Variants in TPD52L3 observed in about 807,000 individuals in gnomAD.
TPD52L3 encodes the protein tumor protein D55.
A neutral mutation model predicts 8.7 loss-of-function variants in TPD52L3; 12 were observed. The ratio of observed to expected loss-of-function variants is 1.38; its 90% confidence interval spans 0.89 to 2.24. The LOEUF (loss-of-function observed/expected upper bound fraction) is 2.24, where lower values mean the gene tolerates loss of function less well. Among genes scored for constraint, TPD52L3 ranks in the 30% most tolerant of loss-of-function variants. The pLI is 0.00. For synonymous variants in TPD52L3, 79 were observed against 66.8 expected, an observed-to-expected ratio of 1.18 and a Z score of -0.89; for missense variants, 207 against 158.7, an observed-to-expected ratio of 1.30 and a Z score of -1.64.
Position 6,331,190 on chromosome 9 carries a change from A to G in TPD52L3, c.*171A>G. On this transcript the variant is annotated 3_prime_UTR_variant, in exon 2 of 2. Coordinates refer to ENST00000314556, the MANE Select transcript of TPD52L3 (RefSeq NM_001001874.3). ...AGGTTCTGAAAGCATAGAATTAGAC[A>G]TCGTATGTGCCCTCTAGAAACACTT... The G allele has an allele frequency of 1.6e-6, 1 of 608,686 alleles. No homozygotes were observed. Among genetic ancestry groups the G allele is most frequent in the Non-Finnish European group, 2.8e-6 (1 of 351,848 alleles). 37.7% of individuals were successfully genotyped at this position (608,686 alleles called of 1,614,324 possible). A position where few individuals can be genotyped will look rare whatever the true frequency, so the allele number is the denominator to read the frequency against.
Position 6,328,441 on chromosome 9 carries a change from G to A in TPD52L3, c.-155G>A, listed in dbSNP as rs537397783. ...ACCAGCTGGGCCATGGATCCCTCCC[G>A]CCTGAAATCTGACTCCACCTGCCAA... On this transcript the variant is annotated 5_prime_UTR_variant, in exon 1 of 2. Transcript: ENST00000314556. The A allele has an allele frequency of 1.8e-4, 152 of 854,648 alleles. No homozygotes were observed. The African/African-American group carries it at 2.4e-3, about 13-fold the overall frequency. The allele number at this position is 854,648 out of a possible 1,614,324, so 52.9% of individuals were successfully genotyped here.
chr9:6,330,034 G>C, intron 1 of TPD52L3: 2 of 1,427,848 alleles, frequency 1.4e-6, no homozygotes, highest in Admixed American at 5.5e-5. Context: ...GAGGAAAACA[G>C]GTATAGCCAA....
intron 1 of TPD52L3, chr9:6,330,641 GA>G: frequency 8.5e-7 from 1 of 1,175,174 alleles, no homozygotes; most frequent in Non-Finnish European, 1.1e-6. Flanking sequence ...GTTTTGCTTG[GA>G]TTAAAACAAG....
intron 1 of TPD52L3, chr9:6,330,418 C>T: frequency 5.1e-6 from 7 of 1,371,182 alleles, no homozygotes; most frequent in East Asian, 2.7e-5. Flanking sequence ...GACTAGGACC[C>T]TTATGGGTAC....
At position 6,331,128 on chromosome 9, in the gene TPD52L3, C is replaced by G; in HGVS notation, c.*109C>G. 1 of 1,178,180 alleles carries G rather than the reference C, an allele frequency of 8.5e-7. No homozygotes were observed. Among genetic ancestry groups the G allele is most frequent in the Non-Finnish European group, 1.2e-6 (1 of 812,238 alleles). The allele number at this position is 1,178,180 out of a possible 1,614,324, so 73.0% of individuals were successfully genotyped here. On this transcript the variant is annotated 3_prime_UTR_variant, in exon 2 of 2. Coordinates refer to ENST00000314556, the MANE Select transcript of TPD52L3 (RefSeq NM_001001874.3). ...ACAAAAATATCGTGTTTATTCAAAG[C>G]CAATCTGAGACCCTACTCTGTATCA...
chr9:6,330,540 C>A (rs1818132736), intron 1 of TPD52L3: 2 of 1,202,420 alleles, frequency 1.7e-6, no homozygotes, highest in African/African-American at 1.6e-5. Flanking sequence ...TTCCTATAAG[C>A]AAAACCAAAT....
rs1818055693 is a variant in TPD52L3 at position 6,328,383 on chromosome 9, GGTC to G, written c.-209_-207del. 4.4e-6 allele frequency: 2 copies of G among 456,324 alleles called. No individual in the cohort carries two copies. The highest frequency in any genetic ancestry group is 3.4e-5 in the Admixed American group (1 of 29,034). 28.3% of individuals were successfully genotyped at this position (456,324 alleles called of 1,614,324 possible). On this transcript the variant is annotated 5_prime_UTR_variant, in exon 1 of 2. Transcript: ENST00000314556. ...GCTAGCGTGTCTACTTCACAGGCCA[GGTC>G]GTCAACTCAACTGTCAAGGTGTCCA...
intron 1 of TPD52L3, chr9:6,330,572 T>G: frequency 8.6e-7 from 1 of 1,167,026 alleles, no homozygotes; most frequent in East Asian, 4.6e-5. Context: ...TACAAAAGCA[T>G]CTGGTAAACT....
rs1818075332 is a variant in TPD52L3 at position 6,328,794 on chromosome 9, A to G, written c.199A>G (p.Thr67Ala). ...CGELKRKLGLTALVGLRQNLS... is the reference protein window; with the variant it reads ...CGELKRKLGLAALVGLRQNLS... Reference sequence around the variant, plus strand: ...GGAACTCAAGAGGAAGTTAGGCCTCACCGCCTTGGTAGGGCTGAGACAGAA... The same window carrying G: ...GGAACTCAAGAGGAAGTTAGGCCTCGCCGCCTTGGTAGGGCTGAGACAGAA... Residue 67 changes from threonine to alanine, a missense_variant, in exon 1 of 2, where the codon ACC (threonine) becomes GCC (alanine). By Grantham distance (58) the Thr-to-Ala change is moderately conservative. Coordinates refer to ENST00000314556, the MANE Select transcript of TPD52L3 (RefSeq NM_001001874.3). The G allele has an allele frequency of 6.2e-7, 1 of 1,614,182 alleles. No individual in the cohort carries two copies. Among genetic ancestry groups the G allele is most frequent in the Non-Finnish European group, 8.5e-7 (1 of 1,180,036 alleles).
At position 6,328,563 on chromosome 9, in the gene TPD52L3, G is replaced by A; in HGVS notation, c.-33G>A. On this transcript the variant is annotated 5_prime_UTR_variant, in exon 1 of 2. Transcript: ENST00000314556. ...CTCTTTCTACCAAGAATTGGACCTG[G>A]ACTCTCTTAACGAAGATCTTCTTTC... The A allele has an allele frequency of 6.2e-7, 1 of 1,600,726 alleles. No individual in the cohort carries two copies. The highest frequency in any genetic ancestry group is 1.1e-5 in the South Asian group (1 of 89,774).
intron 1 of TPD52L3, chr9:6,329,970 AT>A (rs1431767453): frequency 7.6e-7 from 1 of 1,322,406 alleles, no homozygotes; most frequent in Non-Finnish European, 9.7e-7. Flanking sequence ...AAAGGAAGAA[AT>A]TGCCTCTCTG....
Position 6,328,911 on chromosome 9 carries a change from T to C in TPD52L3, c.316T>C (p.Cys106Arg), listed in dbSNP as rs770213983. The C allele has an allele frequency of 1.2e-6, 2 of 1,614,248 alleles. No homozygotes were observed. The highest frequency in any genetic ancestry group is 3.3e-5 in the Admixed American group (2 of 60,028). Residue 106 changes from cysteine (C) to arginine (R), a missense_variant, in exon 1 of 2, where the codon TGC becomes CGC. Cys to Arg is a radical substitution (Grantham distance 180, BLOSUM62 -3). Coordinates refer to ENST00000314556, the MANE Select transcript of TPD52L3 (RefSeq NM_001001874.3). ...TCTGTCCACCATGGGCACTCTCATC[T>C]GCAGGAAGCTTGGAGGCGTGAAGAA... ...AALSTMGTLI[C>R]RKLGGVKKSA...
At position 6,328,398 on chromosome 9, in the gene TPD52L3, T is replaced by C; in HGVS notation, c.-198T>C. The C allele has an allele frequency of 6.9e-6, 3 of 433,412 alleles. No individual in the cohort carries two copies. The highest frequency in any genetic ancestry group is 1.2e-5 in the Non-Finnish European group (3 of 241,382). The allele number at this position is 433,412 out of a possible 1,614,324, so 26.8% of individuals were successfully genotyped here. ...TCACAGGCCAGGTCGTCAACTCAAC[T>C]GTCAAGGTGTCCATTGTACCAGCTG... On this transcript the variant is annotated 5_prime_UTR_variant, in exon 1 of 2. Transcript: ENST00000314556.
At chr9:6,329,544 G>A in intron 1 of TPD52L3, 3 of 1,006,502 alleles carry the variant, frequency 3.0e-6, no homozygotes, top group Non-Finnish European at 3.6e-6. Context: ...CTTGAAAGAG[G>A]TATGAAGTAA....
At chr9:6,330,526 G>T in intron 1 of TPD52L3, 1 of 1,218,380 alleles carries the variant, frequency 8.2e-7, no homozygotes, top group Non-Finnish European at 1.0e-6. Context: ...ACATTCCTTT[G>T]GTTTTCCTAT....
In TPD52L3 at chr9:6,328,750, C is replaced by A. The variant is rs1026406099; in HGVS notation, c.155C>A (p.Ala52Asp). The A allele has an allele frequency of 6.2e-7, 1 of 1,614,150 alleles. No homozygotes were observed. The highest frequency in any genetic ancestry group is 8.5e-7 in the Non-Finnish European group (1 of 1,180,034). Residue 52 changes from alanine (A) to aspartate (D), a missense_variant, in exon 1 of 2, where the codon GCC becomes GAC. By Grantham distance (126) the Ala-to-Asp change is moderately radical (BLOSUM62 -2). Transcript: ENST00000314556. ...EIVTLRHVLA[A>D]KERRCGELKR... ...GTAACCCTACGCCACGTACTAGCAGCCAAAGAGAGACGCTGTGGGGAACTC... is the reference window on the plus strand; with the variant it reads ...GTAACCCTACGCCACGTACTAGCAGACAAAGAGAGACGCTGTGGGGAACTC...
At position 6,328,940 on chromosome 9, in the gene TPD52L3, G is replaced by A. The variant is rs375169209; in HGVS notation, c.345G>A (p.Ser115=). The A allele has an allele frequency of 4.1e-5, 66 of 1,614,004 alleles. No individual in the cohort carries two copies. The highest frequency in any genetic ancestry group is 1.2e-4 in the Admixed American group (7 of 60,004). ...GGAAGCTTGGAGGCGTGAAGAAGTCGGCCACATTCAGATCTTTTGAAGGTC... is the reference window on the plus strand; with the variant it reads ...GGAAGCTTGGAGGCGTGAAGAAGTCAGCCACATTCAGATCTTTTGAAGGTC... The part of the protein sequence containing the change: ...ICRKLGGVKK[S]ATFRSFEGLI... The change falls in exon 1 of 2, where the codon TCG becomes TCA. Residue 115 remains serine, a synonymous_variant. Coordinates refer to ENST00000314556, the MANE Select transcript of TPD52L3 (RefSeq NM_001001874.3).
rs1300853930 is a variant in TPD52L3, at chr9:6,328,588, C to T, written c.-8C>T. Reference sequence around the variant, plus strand: ...GACTCTCTTAACGAAGATCTTCTTTCCCAGTCCATGCCACATGCCAGGACA... The same window carrying T: ...GACTCTCTTAACGAAGATCTTCTTTTCCAGTCCATGCCACATGCCAGGACA... On this transcript the variant is annotated 5_prime_UTR_variant, in exon 1 of 2. Transcript: ENST00000314556. The T allele has an allele frequency of 1.2e-6, 2 of 1,610,964 alleles. No homozygotes were observed. Among genetic ancestry groups the T allele is most frequent in the African/African-American group, 1.3e-5 (1 of 74,818 alleles).
In TPD52L3 at chr9:6,331,161, T is replaced by G. The variant is rs1818144012; in HGVS notation, c.*142T>G. The G allele has an allele frequency of 1.2e-6, 1 of 805,524 alleles. No individual in the cohort carries two copies. Among genetic ancestry groups the G allele is most frequent in the African/African-American group, 1.7e-5 (1 of 57,680 alleles). The allele number at this position is 805,524 out of a possible 1,614,324, so 49.9% of individuals were successfully genotyped here. A position where few individuals can be genotyped will look rare whatever the true frequency, so the allele number is the denominator to read the frequency against. On this transcript the variant is annotated 3_prime_UTR_variant, in exon 2 of 2. Coordinates refer to ENST00000314556, the MANE Select transcript of TPD52L3 (RefSeq NM_001001874.3). ...AGACCCTACTCTGTATCAAGAACTG[T>G]CCCAGGTTCTGAAAGCATAGAATTA... is the stretch of plus-strand genomic sequence containing the variant.
Sources: gnomAD v4.1 joint callset for allele counts on GRCh38, gnomAD v4.1.1 for gene constraint, MANE v1.5 for transcripts, NCBI Gene and HGNC (gene_info 2026-07-23, HGNC 2026-07-21) for gene names.